SPATS2L: variants seen among roughly 807,000 people sequenced by gnomAD.
The protein encoded by SPATS2L is SPATS2-like protein.
SPATS2L carries 30 observed loss-of-function variants against 59.6 expected under a neutral mutation model. The ratio of observed to expected loss-of-function variants is 0.50; its 90% confidence interval spans 0.38 to 0.68. The LOEUF is 0.68. Ranked by LOEUF, SPATS2L falls within the 30% of genes least tolerant of loss-of-function variation. SPATS2L has a pLI of 0.00. For synonymous variants in SPATS2L, 252 were observed against 263.5 expected (o/e 0.96, Z 0.42); for missense variants, 615 against 700.0 (o/e 0.88, Z 1.37).
intron 3 of SPATS2L, among the ~76,000 whole-genome samples, chr2:200,405,856 C>T (rs2082672147): frequency 2.0e-5 from 3 of 152,218 alleles, no homozygotes; most frequent in South Asian, 4.1e-4. Context: ...TTGCAAGCTT[C>T]TCAAGGAAAG....
Position 200,479,801 on chromosome 2 carries a change from G to C in SPATS2L, c.*1770G>C. On this transcript the variant is annotated 3_prime_UTR_variant, in exon 13 of 13. Transcript: ENST00000409140. ...GCAGCTGAGCCTGCAAGCCACGCAA[G>C]CATCTGTTTCTTCTTTTGCCAAGTA... 2.5e-6 allele frequency: 1 copy of C among 398,618 alleles called. No individual in the cohort carries two copies. The highest frequency in any genetic ancestry group is 4.4e-6 in the Non-Finnish European group (1 of 226,098). The allele number at this position is 398,618 out of a possible 1,614,324, so 24.7% of individuals were successfully genotyped here.
chr2:200,392,595 G>A (rs577459253), intron 3 of SPATS2L, among the ~76,000 whole-genome samples: 199 of 152,240 alleles, frequency 1.3e-3, no homozygotes, highest in Non-Finnish European at 2.5e-3. Flanking sequence ...AAAGCCATAG[G>A]TACTCAGTAC....
chr2:200,407,930 A>G, intron 3 of SPATS2L, among the ~76,000 whole-genome samples: 1 of 152,188 alleles, frequency 6.6e-6, no homozygotes, highest in South Asian at 2.1e-4. Flanking sequence ...TTAAATACCT[A>G]CTACATGCAC....
chr2:200,427,320 A>C (rs73059817), intron 6 of SPATS2L, among the ~76,000 whole-genome samples: 17,292 of 151,876 alleles, frequency 0.11, 1,703 homozygotes, highest in African/African-American at 0.26. Context: ...GCACCCCATA[A>C]ATATATAAAC....
intron 1 of SPATS2L, among the ~76,000 whole-genome samples, chr2:200,320,133 T>A (rs1482890974): frequency 6.6e-6 from 1 of 152,154 alleles, no homozygotes; most frequent in East Asian, 1.9e-4. Flanking sequence ...AGTCTTTCAC[T>A]TGTTTACTTT....
At chr2:200,456,323 A>G (rs1233696779) in intron 8 of SPATS2L, among the ~76,000 whole-genome samples, 2 of 152,178 alleles carry the variant, frequency 1.3e-5, no homozygotes, top group Non-Finnish European at 2.9e-5. Context: ...CTTGCAGACA[A>G]TCTTCTATGG....
At chr2:200,397,577 T>C (rs908516078) in intron 3 of SPATS2L, among the ~76,000 whole-genome samples, 9 of 151,900 alleles carry the variant, frequency 5.9e-5, no homozygotes, top group Admixed American at 5.9e-4. Flanking sequence ...CATTGCTCCT[T>C]AACTTGATTA....
chr2:200,407,026 C>T (rs553181994), intron 3 of SPATS2L, among the ~76,000 whole-genome samples: 1 of 152,326 alleles, frequency 6.6e-6, no homozygotes, highest in South Asian at 2.1e-4. Flanking sequence ...CCAAATACGT[C>T]TTGACCAACA....
chr2:200,368,885 A>C (rs924136195), intron 2 of SPATS2L, among the ~76,000 whole-genome samples: 1 of 152,218 alleles, frequency 6.6e-6, no homozygotes, highest in Non-Finnish European at 1.5e-5. Flanking sequence ...TAAGTTTTAC[A>C]TATACATATA....
intron 2 of SPATS2L, chr2:200,372,303 C>A: frequency 5.0e-6 from 3 of 599,268 alleles, no homozygotes; most frequent in Non-Finnish European, 6.3e-6. Flanking sequence ...CCAGCTTCTG[C>A]TTGAACAGAT....
chr2:200,456,255 T>C (rs1405870759), intron 8 of SPATS2L, among the ~76,000 whole-genome samples: 1 of 152,214 alleles, frequency 6.6e-6, no homozygotes, highest in Non-Finnish European at 1.5e-5. Context: ...CTTGCCTTTG[T>C]GCACATGAGT....
intron 2 of SPATS2L, among the ~76,000 whole-genome samples, chr2:200,332,611 G>A (rs1559045594): frequency 6.6e-6 from 1 of 152,078 alleles, no homozygotes; most frequent in Non-Finnish European, 1.5e-5. Flanking sequence ...GAATGTGTAG[G>A]AGTGAAAGTC....
At chr2:200,397,412 T>G (rs1432972401) in intron 3 of SPATS2L, among the ~76,000 whole-genome samples, 1 of 152,180 alleles carries the variant, frequency 6.6e-6, no homozygotes, top group South Asian at 2.1e-4. Context: ...TGGAAGGCTG[T>G]AACAATGGTT....
chr2:200,428,409 C>G (rs1262320543), intron 6 of SPATS2L, among the ~76,000 whole-genome samples: 2 of 152,296 alleles, frequency 1.3e-5, no homozygotes, highest in East Asian at 1.9e-4. Context: ...TTGTGTCCCT[C>G]TGTCTTTACT....
intron 2 of SPATS2L, among the ~76,000 whole-genome samples, chr2:200,385,334 A>G (rs569066337): frequency 3.3e-5 from 5 of 152,258 alleles, no homozygotes; most frequent in Non-Finnish European, 7.3e-5. Flanking sequence ...GTCATGTGAA[A>G]TCAGGTGAAA....
intron 2 of SPATS2L, among the ~76,000 whole-genome samples, chr2:200,388,411 A>C (rs1430107825): frequency 6.6e-6 from 1 of 152,022 alleles, no homozygotes; most frequent in African/African-American, 2.4e-5. Flanking sequence ...GTCTCTACAA[A>C]AAATACAAAA....
intron 10 of SPATS2L, among the ~76,000 whole-genome samples, chr2:200,468,379 C>CACACACACACACACACACACACA (rs10524674): frequency 3.3e-5 from 5 of 151,488 alleles, no homozygotes; most frequent in Admixed American, 1.3e-4. Flanking sequence ...CACACACACA[C>CACACACACACACACACACACACA]GCCTTCCAGC....
intron 7 of SPATS2L, among the ~76,000 whole-genome samples, 170 bp downstream of exon 7, chr2:200,439,498 A>G (rs1193251665): frequency 6.6e-6 from 1 of 152,162 alleles, no homozygotes; most frequent in African/African-American, 2.4e-5. Flanking sequence ...GATTCCTCCC[A>G]TGTAATCAAA....
intron 1 of SPATS2L, 96 bp from the exon 2 acceptor site, chr2:200,329,335 C>A: frequency 9.7e-7 from 1 of 1,028,802 alleles, no homozygotes; most frequent in Non-Finnish European, 1.5e-6. Flanking sequence ...TTCTTGACTC[C>A]AGATCCTGTG....
Sources: allele counts gnomAD v4.1 joint callset (sites outside exome capture counted in the v4.1 genomes callset), GRCh38; gene constraint gnomAD v4.1.1; transcripts MANE v1.5; gene names NCBI Gene and HGNC (gene_info 2026-07-23, HGNC 2026-07-21).